The following SPOCK1 variants were observed in gnomAD, a reference collection of about 807,000 sequenced individuals.
SPOCK1 encodes SPARC (osteonectin), cwcv and kazal like domains proteoglycan 1, also known as testican-1.
In SPOCK1, 23 loss-of-function variants were observed where a neutral mutation model predicts 55.3. The observed-to-expected ratio is 0.42, with a 90% CI of 0.30 to 0.59. SPOCK1 has a LOEUF of 0.59. SPOCK1 is among the 20% of genes least tolerant of loss of function. The pLI is 0.22. For missense variants in SPOCK1, 499 were observed against 552.5 expected, an observed-to-expected ratio of 0.90 and a Z score of 0.97; for synonymous variants, 226 against 221.0, an observed-to-expected ratio of 1.02 and a Z score of -0.20.
chr5:137,358,077 G>A (rs1238728549), intron 2 of SPOCK1, among the ~76,000 whole-genome samples: 1 of 152,100 alleles, frequency 6.6e-6, no homozygotes, highest in African/African-American at 2.4e-5. Context: ...AAATCCTGAA[G>A]GTTTTTCTAT....
chr5:137,024,452 C>T (rs1047256458), intron 6 of SPOCK1, among the ~76,000 whole-genome samples: 1 of 151,980 alleles, frequency 6.6e-6, no homozygotes, highest in African/African-American at 2.4e-5. Flanking sequence ...AACCTTTGAC[C>T]TATTGAAATA....
At chr5:137,196,675 T>C (rs1410404512) in intron 3 of SPOCK1, among the ~76,000 whole-genome samples, 18 of 152,242 alleles carry the variant, frequency 1.2e-4, no homozygotes, top group Admixed American at 1.2e-3. Flanking sequence ...TTTATAAACT[T>C]CTGGAGCACT....
At chr5:137,151,136 A>T (rs1019034937) in intron 3 of SPOCK1, among the ~76,000 whole-genome samples, 1 of 151,808 alleles carries the variant, frequency 6.6e-6, no homozygotes, top group African/African-American at 2.4e-5. Context: ...GTAATCTAAA[A>T]TTTATATTTT....
At chr5:137,162,074 G>T (rs1315889204) in intron 3 of SPOCK1, among the ~76,000 whole-genome samples, 1 of 150,768 alleles carries the variant, frequency 6.6e-6, no homozygotes, top group Non-Finnish European at 1.5e-5. Flanking sequence ...CTCCCTAGGG[G>T]TAAAAGATGC....
intron 2 of SPOCK1, among the ~76,000 whole-genome samples, chr5:137,350,804 TGTGTGTGTGTGTGTCCACGCACGTGTGC>T (rs1249829807): frequency 6.6e-6 from 1 of 151,916 alleles, no homozygotes. Context: ...GTTGTGTGTG[TGTGTGTGTGTGTGTCCACGCACGTGTGC>T]GTGTGTGTGT....
At chr5:137,113,056 T>G (rs1753506904) in intron 4 of SPOCK1, among the ~76,000 whole-genome samples, 1 of 152,292 alleles carries the variant, frequency 6.6e-6, no homozygotes, top group East Asian at 1.9e-4. Context: ...TTATCACAGC[T>G]GTAGAAAACT....
intron 2 of SPOCK1, among the ~76,000 whole-genome samples, chr5:137,296,231 A>G (rs546729761): frequency 1.1e-4 from 17 of 152,260 alleles, no homozygotes; most frequent in African/African-American, 4.1e-4. Flanking sequence ...CAAGCCACCC[A>G]ACATATGGTA....
At chr5:137,099,765 T>A (rs1753226013) in intron 5 of SPOCK1, among the ~76,000 whole-genome samples, 1 of 152,136 alleles carries the variant, frequency 6.6e-6, no homozygotes, top group African/African-American at 2.4e-5. Flanking sequence ...CTCACTATGT[T>A]AGGACTTAAG....
intron 4 of SPOCK1, among the ~76,000 whole-genome samples, chr5:137,130,075 A>G (rs942130876): frequency 6.6e-5 from 10 of 152,200 alleles, no homozygotes; most frequent in Admixed American, 3.9e-4. Flanking sequence ...GAGTGAAGAC[A>G]GCCAGCCTGT....
At chr5:137,233,536 G>T (rs1756112904) in intron 3 of SPOCK1, among the ~76,000 whole-genome samples, 1 of 152,030 alleles carries the variant, frequency 6.6e-6, no homozygotes, top group Admixed American at 6.5e-5. Flanking sequence ...CTCACCTCCT[G>T]CTGTGTGACC....
intron 3 of SPOCK1, among the ~76,000 whole-genome samples, chr5:137,148,664 A>G (rs897287909): frequency 2.0e-5 from 3 of 152,246 alleles, no homozygotes; most frequent in African/African-American, 7.2e-5. Flanking sequence ...GACAATGACA[A>G]CGACCAACTA....
At chr5:137,412,695 G>A (rs1487951110) in intron 2 of SPOCK1, among the ~76,000 whole-genome samples, 1 of 152,218 alleles carries the variant, frequency 6.6e-6, no homozygotes, top group East Asian at 1.9e-4. Context: ...GAACTTCAGT[G>A]GAGTCTTCAC....
chr5:137,313,611 G>T, intron 2 of SPOCK1: 1 of 353,108 alleles, frequency 2.8e-6, no homozygotes, highest in Non-Finnish European at 4.0e-6. Flanking sequence ...AGAACATATT[G>T]CTACTTTGCA....
At chr5:137,137,110 G>C (rs1753998525) in intron 4 of SPOCK1, among the ~76,000 whole-genome samples, 1 of 152,182 alleles carries the variant, frequency 6.6e-6, no homozygotes, top group African/African-American at 2.4e-5. Context: ...TCACTGACGT[G>C]CTCACTGTCC....
chr5:137,334,674 G>A (rs1750201291), intron 2 of SPOCK1, among the ~76,000 whole-genome samples: 1 of 152,190 alleles, frequency 6.6e-6, no homozygotes, highest in Non-Finnish European at 1.5e-5. Flanking sequence ...TCTAAGATGA[G>A]GTCCCCTGTT....
intron 2 of SPOCK1, among the ~76,000 whole-genome samples, chr5:137,304,467 G>A (rs1450151415): frequency 6.6e-6 from 1 of 152,214 alleles, no homozygotes; most frequent in African/African-American, 2.4e-5. Flanking sequence ...TGTGCCAGCT[G>A]AAATGTAAGC....
intron 6 of SPOCK1, among the ~76,000 whole-genome samples, chr5:137,017,312 T>C (rs997871300): frequency 2.0e-5 from 3 of 152,236 alleles, no homozygotes; most frequent in African/African-American, 4.8e-5. Flanking sequence ...ACAGTTGCTA[T>C]TGGCTACCAA....
chr5:137,291,950 G>T (rs1757378875), intron 2 of SPOCK1, among the ~76,000 whole-genome samples: 1 of 152,168 alleles, frequency 6.6e-6, no homozygotes, highest in Admixed American at 6.5e-5. Flanking sequence ...TCTCCACATG[G>T]CCCTATTAGG....
chr5:136,985,976 C>T (rs932808740), intron 8 of SPOCK1, among the ~76,000 whole-genome samples: 1 of 152,094 alleles, frequency 6.6e-6, no homozygotes, highest in Non-Finnish European at 1.5e-5. Context: ...TCTCTGAGTT[C>T]TTATCTTTGG....
Sources: allele counts gnomAD v4.1 joint callset (sites outside exome capture counted in the v4.1 genomes callset), GRCh38; gene constraint gnomAD v4.1.1; transcripts MANE v1.5; gene names NCBI Gene and HGNC (gene_info 2026-07-23, HGNC 2026-07-21).